Variants in SP4 observed in about 807,000 individuals in gnomAD.
SP4 encodes transcription factor Sp4.
Under a neutral mutation model 72.8 loss-of-function variants are expected in SP4, and 19 were observed. That is an observed-to-expected ratio of 0.26 (90% CI 0.18 to 0.38). The LOEUF is 0.38. Ranked by LOEUF, SP4 falls within the 10% of genes least tolerant of loss-of-function variation. The pLI, the probability that SP4 is intolerant of heterozygous loss-of-function variation, is 1.00. For missense variants in SP4, 1,008 were observed against 926.3 expected, an observed-to-expected ratio of 1.09 and a Z score of -1.14; for synonymous variants, 395 against 333.1, an observed-to-expected ratio of 1.19 and a Z score of -2.02.
chr7:21,455,637 GC>G (rs1783740139), intron 3 of SP4, among the ~76,000 whole-genome samples: 1 of 152,038 alleles, frequency 6.6e-6, no homozygotes, highest in South Asian at 2.1e-4. Context: ...TATGAACAGG[GC>G]CCCCCAGTTC....
At chr7:21,478,446 G>A (rs1255123800) in intron 4 of SP4, among the ~76,000 whole-genome samples, 4 of 152,116 alleles carry the variant, frequency 2.6e-5, no homozygotes, top group South Asian at 2.1e-4. Context: ...GGAACTTACC[G>A]ACTGTTTTCC....
chr7:21,481,940 G>C lies in SP4; in HGVS notation c.1924G>C (p.Gly642Arg). The C allele has an allele frequency of 2.5e-6, 4 of 1,613,834 alleles. No homozygotes were observed. Among genetic ancestry groups the C allele is most frequent in the Non-Finnish European group, 3.4e-6 (4 of 1,179,786 alleles). The change falls in exon 5 of 6, where the codon GGA (glycine) becomes CGA (arginine). Residue 642 changes from glycine to arginine, a missense_variant. Gly to Arg is a moderately radical substitution (Grantham distance 125). Around this residue, in one of 3 missense-constraint regions of SP4, gnomAD observed 48 missense variants for 117.0 expected, o/e 0.41. Coordinates refer to ENST00000222584, the MANE Select transcript of SP4 (RefSeq NM_003112.5). ...TTTTGCTAGAGGCAGTAATGAACCA[G>C]GAAAAAAGAAGCAGCATATCTGTCA... The part of the protein sequence containing the change: ...EGEGRGSNEP[G>R]KKKQHICHIE...
At chr7:21,437,701 AAGGTAAAAAACCTGGCTTGGC>A (rs1420941130) in intron 3 of SP4, among the ~76,000 whole-genome samples, 1 of 152,192 alleles carries the variant, frequency 6.6e-6, no homozygotes, top group Non-Finnish European at 1.5e-5. Flanking sequence ...ACATACCTAC[AAGGTAAAAAACCTGGCTTGGC>A]AGGAGGACCT....
intron 5 of SP4, among the ~76,000 whole-genome samples, chr7:21,509,031 A>C (rs1001287144): frequency 1.1e-4 from 16 of 152,094 alleles, no homozygotes; most frequent in African/African-American, 3.6e-4. Flanking sequence ...GTAAATAATA[A>C]TCTATTTCAA....
chr7:21,446,822 TC>T (rs1256579790), intron 3 of SP4, among the ~76,000 whole-genome samples: 42 of 59,180 alleles, frequency 7.1e-4, no homozygotes, highest in Non-Finnish European at 1.0e-3. Context: ...TTTGACAAAT[TC>T]TTTTTTTTTT....
chr7:21,484,685 T>TGAC (rs1426169674), intron 5 of SP4, among the ~76,000 whole-genome samples: 1 of 151,890 alleles, frequency 6.6e-6, no homozygotes, highest in Non-Finnish European at 1.5e-5. Flanking sequence ...GATGCAGTGT[T>TGAC]TCCATCCTGG....
intron 5 of SP4, among the ~76,000 whole-genome samples, chr7:21,484,738 C>A (rs1007299142): frequency 6.6e-6 from 1 of 151,784 alleles, no homozygotes; most frequent in East Asian, 1.9e-4. Flanking sequence ...AAATTTTCTA[C>A]TTTGTTTGAT....
rs1782680129 is a variant in SP4 at position 21,428,191 on chromosome 7, C to G, written c.-61C>G. The G allele has an allele frequency of 2.6e-6, 2 of 765,302 alleles. No individual in the cohort carries two copies. Among genetic ancestry groups the G allele is most frequent in the Non-Finnish European group, 4.3e-6 (2 of 467,680 alleles). The allele number at this position is 765,302 out of a possible 1,614,324, so 47.4% of individuals were successfully genotyped here. On this transcript the variant is annotated 5_prime_UTR_variant, in exon 1 of 6. Coordinates refer to ENST00000222584, the MANE Select transcript of SP4 (RefSeq NM_003112.5). ...GACCGGCCTCTCCTCCCGCCTCGCC[C>G]CCACCCCCACCCACCTCTATCCCAG...
chr7:21,475,127 T>G (rs549772506), intron 3 of SP4, among the ~76,000 whole-genome samples: 36 of 152,164 alleles, frequency 2.4e-4, no homozygotes, highest in African/African-American at 7.0e-4. Context: ...TTTGTTTTTT[T>G]TTTTGAGACA....
At chr7:21,458,197 T>G (rs113473375) in intron 3 of SP4, among the ~76,000 whole-genome samples, 4 of 151,260 alleles carry the variant, frequency 2.6e-5, no homozygotes, top group East Asian at 3.9e-4. Context: ...TGTCTTTTTT[T>G]GGGGGGTGGG....
intron 5 of SP4, among the ~76,000 whole-genome samples, chr7:21,493,011 C>G (rs1270267248): frequency 1.3e-5 from 2 of 152,038 alleles, no homozygotes; most frequent in African/African-American, 2.4e-5. Flanking sequence ...ACCAGCCTGG[C>G]CAACATGGTG....
intron 3 of SP4, among the ~76,000 whole-genome samples, chr7:21,440,548 A>G (rs1583382608): frequency 6.6e-6 from 1 of 152,144 alleles, no homozygotes; most frequent in African/African-American, 2.4e-5. Context: ...GTGTATTAAC[A>G]GGTGGAAAAG....
intron 3 of SP4, among the ~76,000 whole-genome samples, chr7:21,437,218 G>C (rs1172963460): frequency 6.6e-6 from 1 of 152,190 alleles, no homozygotes. Context: ...ATGAATTATT[G>C]AGTAGTTGGC....
intron 5 of SP4, among the ~76,000 whole-genome samples, chr7:21,505,667 A>G (rs1263278811): frequency 6.6e-6 from 1 of 152,142 alleles, no homozygotes. Context: ...AGGGTATCTT[A>G]CTAAAGAGGG....
At position 21,460,831 on chromosome 7, in the gene SP4, A is replaced by G. The variant is rs187849542; in HGVS notation, c.1679-16248A>G. Among the ~76,000 whole-genome samples, 38 of 152,232 alleles carry G rather than the reference A, an allele frequency of 2.5e-4. No homozygotes were observed. In the East Asian group the frequency reaches 5.2e-3, roughly 21 times the overall value. On this transcript the variant is annotated intron_variant, in intron 3 of 5. Transcript: ENST00000222584. ...CAGAATGCTGATTGGTGCATTTACA[A>G]ACCTTGAGCTAGACACAGAGTGCTG...
intron 3 of SP4, among the ~76,000 whole-genome samples, chr7:21,440,478 G>A (rs1028252476): frequency 1.3e-5 from 2 of 152,150 alleles, no homozygotes; most frequent in African/African-American, 2.4e-5. Context: ...TTGTATAAGA[G>A]GAATTTCAGA....
At chr7:21,442,507 C>T (rs1036077433) in intron 3 of SP4, among the ~76,000 whole-genome samples, 1 of 151,952 alleles carries the variant, frequency 6.6e-6, no homozygotes, top group Admixed American at 6.5e-5. Context: ...AATTAAATTA[C>T]TTTGTGGTGT....
chr7:21,506,519 C>T (rs1027593484), intron 5 of SP4, among the ~76,000 whole-genome samples: 11 of 152,134 alleles, frequency 7.2e-5, no homozygotes, highest in African/African-American at 2.7e-4. Flanking sequence ...TCTATAATTC[C>T]CTTGTCTCCT....
intron 3 of SP4, among the ~76,000 whole-genome samples, chr7:21,473,185 G>A (rs1302552535): frequency 6.6e-6 from 1 of 152,182 alleles, no homozygotes; most frequent in Non-Finnish European, 1.5e-5. Context: ...GGATCAAGAT[G>A]ATAATCTTGC....
Sources: gnomAD v4.1 joint callset for allele counts (sites outside exome capture counted in the v4.1 genomes callset) on GRCh38, gnomAD v4.1.1 for gene constraint, gnomAD v4.1.1 regional missense constraint, MANE v1.5 for transcripts, NCBI Gene and HGNC (gene_info 2026-07-23, HGNC 2026-07-21) for gene names.